The following LRRC37A2 variants were observed in gnomAD, a reference collection of about 807,000 sequenced individuals.
LRRC37A2 encodes leucine rich repeat containing 37 member A2.
In LRRC37A2, 9 loss-of-function variants were observed where a neutral mutation model predicts 68.8. The ratio of observed to expected loss-of-function variants is 0.13; its 90% CI spans 0.08 to 0.23. The LOEUF is 0.23. LRRC37A2 is among the 10% of genes least tolerant of loss of function. The pLI is 1.00. For missense variants in LRRC37A2, 168 were observed against 950.4 expected, an observed-to-expected ratio of 0.18 and a Z score of 10.82; for synonymous variants, 63 against 367.6, an observed-to-expected ratio of 0.17 and a Z score of 9.48.
the LRRC37A2 span, among the ~76,000 whole-genome samples, chr17:46,888,233 G>A: frequency 6.6e-6 from 1 of 152,164 alleles, no homozygotes; most frequent in Non-Finnish European, 1.5e-5. Flanking sequence ...AGCTTAGGGA[G>A]GTGTGGGTCA....
At chr17:46,777,166 T>C in the LRRC37A2 span, among the ~76,000 whole-genome samples, 1 of 151,962 alleles carries the variant, frequency 6.6e-6, no homozygotes, top group African/African-American at 2.4e-5. Flanking sequence ...GCCAAGATCA[T>C]GCCGCTGCAC....
chr17:46,936,304 A>G, the LRRC37A2 span: 1 of 985,222 alleles, frequency 1.0e-6, no homozygotes, highest in Non-Finnish European at 1.2e-6. Context: ...TGTCACACTG[A>G]TGAAGAGCCA....
the LRRC37A2 span, among the ~76,000 whole-genome samples, chr17:46,991,066 G>A: frequency 6.6e-6 from 1 of 152,138 alleles, no homozygotes; most frequent in Non-Finnish European, 1.5e-5. Context: ...TGTTCCTGGT[G>A]GAACCGTGGG....
the LRRC37A2 span, chr17:46,885,234 G>A: frequency 4.7e-5 from 14 of 300,648 alleles, 1 homozygote; most frequent in South Asian, 2.6e-4. Flanking sequence ...TCGAACTCCC[G>A]ACCTCAGGTG....
the LRRC37A2 span, among the ~76,000 whole-genome samples, chr17:47,023,490 G>T: frequency 1.3e-5 from 2 of 152,030 alleles, no homozygotes; most frequent in Non-Finnish European, 1.5e-5. Flanking sequence ...AGACCAGCCT[G>T]GCCGATAGGG....
the LRRC37A2 span, among the ~76,000 whole-genome samples, chr17:46,928,244 G>T: frequency 6.6e-6 from 1 of 152,156 alleles, no homozygotes; most frequent in East Asian, 1.9e-4. Flanking sequence ...GTGCCCGAGG[G>T]CATATCTGGA....
chr17:47,033,381 CCTATGTAGGTGA>C, the LRRC37A2 span: 1 of 698,648 alleles, frequency 1.4e-6, no homozygotes, highest in Non-Finnish European at 2.6e-6. Flanking sequence ...GGCTCACGAA[CCTATGTAGGTGA>C]ATAAAGGAAA....
chr17:47,002,477 G>A, the LRRC37A2 span, among the ~76,000 whole-genome samples: 1 of 151,402 alleles, frequency 6.6e-6, no homozygotes, highest in African/African-American at 2.4e-5. Flanking sequence ...TGCAACCTCC[G>A]CCTCCTGGGT....
chr17:47,003,766 A>G, the LRRC37A2 span, among the ~76,000 whole-genome samples: 1 of 151,986 alleles, frequency 6.6e-6, no homozygotes, highest in Non-Finnish European at 1.5e-5. Context: ...ACACGTGCAC[A>G]ATGTGCAGGT....
the LRRC37A2 span, among the ~76,000 whole-genome samples, chr17:46,775,765 C>G: frequency 1.3e-5 from 2 of 151,954 alleles, no homozygotes; most frequent in East Asian, 3.9e-4. Flanking sequence ...AGGTGCCCAC[C>G]ACCACGCCCG....
chr17:46,768,700 T>C, the LRRC37A2 span: 86 of 1,614,012 alleles, frequency 5.3e-5, no homozygotes, highest in Non-Finnish European at 6.7e-5. The surrounding 1 kb of genome is among the most constrained non-coding windows in gnomAD (Gnocchi z 5.0). Flanking sequence ...AAGTCACCGA[T>C]GGCACGGAAG....
At chr17:46,626,110 CTT>C in the LRRC37A2 span, among the ~76,000 whole-genome samples, 2 of 125,596 alleles carry the variant, frequency 1.6e-5, no homozygotes. Context: ...TTTTTTAAAT[CTT>C]TTTTTTTTTT....
the LRRC37A2 span, chr17:46,872,481 A>G: frequency 2.1e-6 from 3 of 1,455,524 alleles, no homozygotes; most frequent in African/African-American, 2.9e-5. Context: ...CACCATCCCC[A>G]AGGCTCACCT....
the LRRC37A2 span, among the ~76,000 whole-genome samples, chr17:47,035,303 C>A: frequency 6.6e-6 from 1 of 152,194 alleles, no homozygotes; most frequent in East Asian, 1.9e-4. Context: ...AAACATGGTA[C>A]CCATTAGCCA....
chr17:46,977,373 G>A, the LRRC37A2 span, among the ~76,000 whole-genome samples: 18 of 152,234 alleles, frequency 1.2e-4, no homozygotes, highest in Admixed American at 1.0e-3. Context: ...ACTAAGTGTA[G>A]TGGGGGATAC....
the LRRC37A2 span, among the ~76,000 whole-genome samples, chr17:46,731,381 C>G: frequency 6.6e-6 from 1 of 151,948 alleles, no homozygotes; most frequent in East Asian, 1.9e-4. Context: ...TATGGGGTTT[C>G]TTTTTGGGGT....
intron 6 of LRRC37A2, among the ~76,000 whole-genome samples, chr17:46,531,866 GA>G (rs1327209251): frequency 8.0e-6 from 1 of 124,840 alleles, no homozygotes; most frequent in Admixed American, 7.8e-5. Flanking sequence ...GTTTGGAGAA[GA>G]AAAAACTGTT....
At chr17:46,658,027 A>G in the LRRC37A2 span, among the ~76,000 whole-genome samples, 1 of 43,014 alleles carries the variant, frequency 2.3e-5, no homozygotes, top group Non-Finnish European at 3.9e-5. Flanking sequence ...AGTGGTTCTC[A>G]GTCTTTGGTG....
the LRRC37A2 span, among the ~76,000 whole-genome samples, chr17:47,023,512 C>G: frequency 6.6e-6 from 1 of 152,198 alleles, no homozygotes; most frequent in African/African-American, 2.4e-5. Context: ...GAAACCCCAT[C>G]TCTACTAAAA....
Sources: gnomAD v4.1 joint callset for allele counts (sites outside exome capture counted in the v4.1 genomes callset) on GRCh38, gnomAD v4.1.1 for gene constraint, Gnocchi (gnomAD v3.1) non-coding constraint, MANE v1.5 for transcripts, NCBI Gene and HGNC (gene_info 2026-07-23, HGNC 2026-07-21) for gene names.